The following ZNF331 variants were observed in gnomAD, a reference collection of about 807,000 sequenced individuals.
ZNF331 encodes the protein zinc finger protein 331.
A neutral mutation model predicts 7.0 loss-of-function variants in ZNF331; 2 were observed. The ratio of observed to expected loss-of-function variants is 0.29; its 90% confidence interval spans 0.12 to 0.90. The LOEUF (loss-of-function observed/expected upper bound fraction) is 0.90, where lower values mean the gene tolerates loss of function less well. ZNF331 is among the 40% of genes least tolerant of loss of function. ZNF331 has a pLI of 0.58. For missense variants in ZNF331, 432 were observed against 587.7 expected, an observed-to-expected ratio of 0.74 and a Z score of 2.74; for synonymous variants, 196 against 205.4, an observed-to-expected ratio of 0.95 and a Z score of 0.39.
At chr19:53,551,129 CCAAT>C (rs1474079185) in intron 2 of ZNF331, among the ~76,000 whole-genome samples, 1 of 152,122 alleles carries the variant, frequency 6.6e-6, no homozygotes, top group Non-Finnish European at 1.5e-5. Flanking sequence ...CTGCGCCTGG[CCAAT>C]CATTTTTTAA....
chr19:53,563,574 AAT>A (rs2090002680), intron 3 of ZNF331, among the ~76,000 whole-genome samples: 1 of 151,786 alleles, frequency 6.6e-6, no homozygotes, highest in South Asian at 2.1e-4. Flanking sequence ...TGGCTTGAGA[AAT>A]ATATTTTAAT....
At chr19:53,526,830 G>A (rs558652186) in intron 2 of ZNF331, among the ~76,000 whole-genome samples, 132 of 151,714 alleles carry the variant, frequency 8.7e-4, no homozygotes, top group Admixed American at 2.5e-3. Flanking sequence ...GGGATTACAG[G>A]CGTGAGCCAC....
At position 53,577,754 on chromosome 19, in the gene ZNF331, C is replaced by T. The variant is rs147705191; in HGVS notation, c.1194C>T (p.Leu398=). ...AGGCTTTCATTTATGGATCGAGCCT[C>T]GTGAAACATGAGAGAATTCATACCG... ...CGKAFIYGSS[L]VKHERIHTGV... The change falls in exon 6 of 6, where the codon CTC becomes CTT. Residue 398 remains leucine, a synonymous_variant. Coordinates refer to ENST00000449416, the MANE Select transcript of ZNF331 (RefSeq NM_001079906.2). 1.3e-4 allele frequency: 204 copies of T among 1,613,898 alleles called. No individual in the cohort carries two copies. In the African/African-American group the frequency reaches 1.4e-3, roughly 11 times the overall value.
the ZNF331 span, among the ~76,000 whole-genome samples, chr19:53,509,294 T>C: frequency 1.8e-3 from 279 of 152,298 alleles, 1 homozygote; most frequent in African/African-American, 6.5e-3. Flanking sequence ...TTTATTCCTA[T>C]TTGGATAAAC....
chr19:53,510,274 A>C, the ZNF331 span, among the ~76,000 whole-genome samples: 4 of 152,124 alleles, frequency 2.6e-5, no homozygotes, highest in African/African-American at 9.7e-5. Flanking sequence ...GATTCAGAGG[A>C]AACATTTTAC....
chr19:53,518,413 T>A (rs2086957175), upstream of ZNF331, among the ~76,000 whole-genome samples: 1 of 152,186 alleles, frequency 6.6e-6, no homozygotes, highest in Non-Finnish European at 1.5e-5. Flanking sequence ...AGCTTGCAGA[T>A]GGCCTATCAT....
chr19:53,509,646 C>T, the ZNF331 span, among the ~76,000 whole-genome samples: 1 of 152,206 alleles, frequency 6.6e-6, no homozygotes, highest in Admixed American at 6.5e-5. Flanking sequence ...ACAGGTTCAG[C>T]AGCCACTTCC....
At chr19:53,521,122 A>C (rs1328238910) in exon 1 of ZNF331, 1 of 152,316 alleles carries the variant, frequency 6.6e-6, no homozygotes, top group Admixed American at 6.5e-5. Flanking sequence ...ATCTTATCCC[A>C]ACTGCGCCTG....
chr19:53,569,047 A>AG (rs1008723072), intron 3 of ZNF331, among the ~76,000 whole-genome samples: 4 of 151,922 alleles, frequency 2.6e-5, no homozygotes, highest in African/African-American at 9.7e-5. Flanking sequence ...TAGTAGAGGC[A>AG]GGGTTTCACC....
At chr19:53,525,747 A>C (rs888474331) in intron 2 of ZNF331, among the ~76,000 whole-genome samples, 2 of 152,234 alleles carry the variant, frequency 1.3e-5, no homozygotes, top group Admixed American at 1.3e-4. Flanking sequence ...AAACAGGAAC[A>C]GTATAACTTC....
At chr19:53,572,057 G>A (rs2090468615) in intron 5 of ZNF331, among the ~76,000 whole-genome samples, 1 of 152,132 alleles carries the variant, frequency 6.6e-6, no homozygotes, top group Non-Finnish European at 1.5e-5. Flanking sequence ...AATTGCTATT[G>A]GTGGTCGGTG....
intron 2 of ZNF331, among the ~76,000 whole-genome samples, chr19:53,553,476 C>T (rs975977649): frequency 6.6e-6 from 1 of 152,122 alleles, no homozygotes; most frequent in East Asian, 1.9e-4. Context: ...ACGGTTGTAT[C>T]AATTTAAAAG....
chr19:53,514,437 G>A, the ZNF331 span, among the ~76,000 whole-genome samples: 1 of 151,980 alleles, frequency 6.6e-6, no homozygotes, highest in Non-Finnish European at 1.5e-5. Context: ...CTGACCTCAG[G>A]TGATCCACCC....
the ZNF331 span, among the ~76,000 whole-genome samples, chr19:53,508,795 T>C: frequency 2.0e-5 from 3 of 152,186 alleles, no homozygotes; most frequent in Admixed American, 6.5e-5. Context: ...TTAAGTTTTA[T>C]ACAAAAATCT....
At chr19:53,522,256 GT>G (rs560872830) in intron 1 of ZNF331, among the ~76,000 whole-genome samples, 202 of 139,516 alleles carry the variant, frequency 1.4e-3, no homozygotes, top group Admixed American at 2.9e-3. Context: ...TTCTTTCTTT[GT>G]TTTTTTTTTT....
chr19:53,572,032 G>A (rs2090467550), intron 5 of ZNF331, among the ~76,000 whole-genome samples: 1 of 152,140 alleles, frequency 6.6e-6, no homozygotes, highest in Non-Finnish European at 1.5e-5. Flanking sequence ...TCCTGTGAGA[G>A]TATGTTTATA....
chr19:53,556,205 T>C (rs1458594691), intron 3 of ZNF331, among the ~76,000 whole-genome samples: 2 of 143,278 alleles, frequency 1.4e-5, no homozygotes, highest in Non-Finnish European at 1.5e-5. Context: ...ATCGCACCGC[T>C]TCACTCCAGC....
the ZNF331 span, among the ~76,000 whole-genome samples, chr19:53,513,127 A>C: frequency 2.0e-5 from 3 of 151,122 alleles, no homozygotes; most frequent in African/African-American, 7.3e-5. Flanking sequence ...TTCTGTCCCC[A>C]GTTCCTCTCT....
the ZNF331 span, among the ~76,000 whole-genome samples, chr19:53,511,216 T>G: frequency 6.6e-6 from 1 of 152,132 alleles, no homozygotes; most frequent in African/African-American, 2.4e-5. Context: ...ATAAAATACT[T>G]AGAAAATATT....
Sources: gnomAD v4.1 joint callset for allele counts (sites outside exome capture counted in the v4.1 genomes callset) on GRCh38, gnomAD v4.1.1 for gene constraint, MANE v1.5 for transcripts, NCBI Gene and HGNC (gene_info 2026-07-23, HGNC 2026-07-21) for gene names.